The following PTPRD variants were observed in gnomAD, a reference collection of about 807,000 sequenced individuals.
PTPRD encodes the protein protein tyrosine phosphatase receptor type D, also known as receptor-type tyrosine-protein phosphatase delta.
PTPRD carries 34 observed loss-of-function variants against 214.5 expected under a neutral mutation model. The ratio of observed to expected loss-of-function variants is 0.16; its 90% CI spans 0.12 to 0.21. The LOEUF (loss-of-function observed/expected upper bound fraction) is 0.21, where lower values mean the gene tolerates loss of function less well. Among genes scored for constraint, PTPRD ranks in the 10% least tolerant of loss-of-function variants. PTPRD has a pLI of 1.00. For missense variants in PTPRD, 2,545 were observed against 2,398.7 expected (o/e 1.06, Z -1.27); for synonymous variants, 1,128 against 845.7 (o/e 1.33, Z -5.79).
intron 3 of PTPRD, among the ~76,000 whole-genome samples, chr9:10,169,382 G>A (rs2099184753): frequency 6.7e-6 from 1 of 149,594 alleles, no homozygotes; most frequent in African/African-American, 2.5e-5. Context: ...GCTGAGGCAG[G>A]AGAATGGCGT....
At chr9:8,811,408 AT>A (rs2096800229) in intron 11 of PTPRD, among the ~76,000 whole-genome samples, 1 of 152,180 alleles carries the variant, frequency 6.6e-6, no homozygotes, top group Non-Finnish European at 1.5e-5. Context: ...TAGGAGTACA[AT>A]AAAAATCTGC....
At chr9:8,377,707 TC>T (rs2083676483) in intron 37 of PTPRD, among the ~76,000 whole-genome samples, 1 of 152,022 alleles carries the variant, frequency 6.6e-6, no homozygotes, top group Non-Finnish European at 1.5e-5. Flanking sequence ...AATACACCTT[TC>T]TATTTGAAAA....
chr9:8,316,844 A>ATGTT lies in PTPRD; in HGVS notation c.*1026_*1029dup, dbSNP rs1482414254. The ATGTT allele has an allele frequency of 1.3e-5, 3 of 230,930 alleles. No individual in the cohort carries two copies. Among genetic ancestry groups the ATGTT allele is most frequent in the Admixed American group, 5.7e-5 (1 of 17,682 alleles). The allele number at this position is 230,930 out of a possible 1,614,324, so 14.3% of individuals were successfully genotyped here. A position where few individuals can be genotyped will look rare whatever the true frequency, so the allele number is the denominator to read the frequency against. ...AAAAATTAAGAATAAATGGAAAGAG[A>ATGTT]TGTTTACAATAGCTTTTCTACGTTT... is the stretch of plus-strand genomic sequence containing the variant. On this transcript the variant is annotated 3_prime_UTR_variant, in exon 46 of 46. Coordinates refer to ENST00000381196, the MANE Select transcript of PTPRD (RefSeq NM_002839.4).
chr9:9,721,486 A>C (rs2097944836), intron 7 of PTPRD, among the ~76,000 whole-genome samples: 4 of 152,144 alleles, frequency 2.6e-5, no homozygotes, highest in Non-Finnish European at 1.5e-5. Flanking sequence ...CAGGTTCAAA[A>C]CAAGATATTT....
chr9:10,339,050 C>A (rs1413558659), intron 3 of PTPRD, among the ~76,000 whole-genome samples: 1 of 151,490 alleles, frequency 6.6e-6, no homozygotes, highest in Non-Finnish European at 1.5e-5. Flanking sequence ...AGATCATAGA[C>A]AATAAGCAGC....
chr9:9,749,634 AG>A (rs2098496358), intron 6 of PTPRD, among the ~76,000 whole-genome samples: 1 of 152,206 alleles, frequency 6.6e-6, no homozygotes, highest in Admixed American at 6.5e-5. Flanking sequence ...CCACAGGGTC[AG>A]TAAAAGAGGA....
chr9:8,408,767 T>C (rs1397467039), intron 35 of PTPRD, among the ~76,000 whole-genome samples: 1 of 152,024 alleles, frequency 6.6e-6, no homozygotes, highest in Admixed American at 6.6e-5. Flanking sequence ...ACTTGACTCC[T>C]CCTCCCCACC....
In PTPRD at chr9:9,720,889, G is replaced by A. The variant is rs147996258; in HGVS notation, c.-287+13644C>T. Reference sequence around the variant, plus strand: ...TGTTATCCTTAGCAAACTAATGCACGGACATATACCCCATGTTCTCACTTC... The same window carrying A: ...TGTTATCCTTAGCAAACTAATGCACAGACATATACCCCATGTTCTCACTTC... On this transcript the variant is annotated intron_variant, in intron 7 of 45. Coordinates refer to ENST00000381196, the MANE Select transcript of PTPRD (RefSeq NM_002839.4). 2.6e-3 allele frequency among the ~76,000 whole-genome samples: 392 copies of A among 152,158 alleles called. 3 individuals carry two copies. The highest frequency in any genetic ancestry group is 9.0e-3 in the African/African-American group (374 of 41,516).
intron 9 of PTPRD, among the ~76,000 whole-genome samples, chr9:9,371,537 G>A (rs1252604194): frequency 1.3e-5 from 2 of 151,754 alleles, no homozygotes; most frequent in African/African-American, 4.8e-5. Flanking sequence ...TGGTCTATCA[G>A]TTTTGTTGAT....
At chr9:9,642,744 T>C (rs1564255336) in intron 7 of PTPRD, among the ~76,000 whole-genome samples, 1 of 152,192 alleles carries the variant, frequency 6.6e-6, no homozygotes, top group Non-Finnish European at 1.5e-5. Flanking sequence ...TTTAAGCAAC[T>C]CAAGGAACTA....
chr9:9,446,215 C>T (rs899496612), intron 8 of PTPRD, among the ~76,000 whole-genome samples: 9 of 152,106 alleles, frequency 5.9e-5, no homozygotes, highest in African/African-American at 1.9e-4. Flanking sequence ...TTAAGAAATT[C>T]CCTGAGAGTT....
intron 11 of PTPRD, among the ~76,000 whole-genome samples, chr9:8,956,366 T>C (rs1222752686): frequency 6.6e-6 from 1 of 151,938 alleles, no homozygotes; most frequent in East Asian, 1.9e-4. Flanking sequence ...ACATTATTCA[T>C]GTTTAATACA....
intron 5 of PTPRD, among the ~76,000 whole-genome samples, chr9:9,892,383 A>G (rs2073648510): frequency 6.6e-6 from 1 of 152,134 alleles, no homozygotes; most frequent in Admixed American, 6.6e-5. Flanking sequence ...ATTGACAAAA[A>G]TGCAAAAACC....
intron 5 of PTPRD, 112 bp from the exon 6 acceptor site, chr9:9,766,963 C>A (rs890097590): frequency 4.0e-5 from 6 of 151,510 alleles, no homozygotes; most frequent in Non-Finnish European, 8.9e-5. Flanking sequence ...CATCATTGCT[C>A]ATATTGTGTA....
intron 5 of PTPRD, among the ~76,000 whole-genome samples, chr9:9,862,250 A>G (rs960813599): frequency 5.3e-5 from 8 of 152,220 alleles, no homozygotes; most frequent in Non-Finnish European, 1.0e-4. Context: ...AAAAGCAAAG[A>G]CACATTTAGA....
At chr9:8,564,969 A>G (rs2088303375) in intron 14 of PTPRD, among the ~76,000 whole-genome samples, 1 of 152,226 alleles carries the variant, frequency 6.6e-6, no homozygotes, top group African/African-American at 2.4e-5. Flanking sequence ...CACTGGTTGG[A>G]TAAAAATCCT....
intron 5 of PTPRD, among the ~76,000 whole-genome samples, chr9:9,781,964 A>G (rs1420131316): frequency 6.6e-6 from 1 of 151,568 alleles, no homozygotes; most frequent in South Asian, 2.1e-4. Context: ...GGCTAATTTT[A>G]TGTATTTTTA....
intron 2 of PTPRD, among the ~76,000 whole-genome samples, chr9:10,403,025 C>T (rs1411775005): frequency 6.6e-6 from 1 of 151,268 alleles, no homozygotes; most frequent in Non-Finnish European, 1.5e-5. Context: ...ACTCAATTCT[C>T]AGCCTAGGTT....
chr9:9,023,865 A>G (rs1271411582), intron 10 of PTPRD, among the ~76,000 whole-genome samples: 1 of 151,888 alleles, frequency 6.6e-6, no homozygotes, highest in East Asian at 1.9e-4. Flanking sequence ...TAATCTTACA[A>G]TTTACTTTCT....
Sources: allele counts gnomAD v4.1 joint callset (sites outside exome capture counted in the v4.1 genomes callset), GRCh38; gene constraint gnomAD v4.1.1; transcripts MANE v1.5; gene names NCBI Gene and HGNC (gene_info 2026-07-23, HGNC 2026-07-21).